The following PSKH2 variants were observed in gnomAD, a reference collection of about 807,000 sequenced individuals.
The protein encoded by PSKH2 is serine/threonine-protein kinase H2.
PSKH2 carries 16 observed loss-of-function variants against 22.5 expected under a neutral mutation model. The ratio of observed to expected loss-of-function variants is 0.71; its 90% confidence interval spans 0.48 to 1.08. The LOEUF is 1.08. Ranked by LOEUF, PSKH2 falls within the 50% of genes least tolerant of loss-of-function variation. PSKH2 has a pLI of 0.00. For missense variants in PSKH2, 516 were observed against 492.8 expected (o/e 1.05, Z -0.44); for synonymous variants, 188 against 184.8 (o/e 1.02, Z -0.14).
rs1030187518 is a variant in PSKH2, at chr8:86,047,629, T to C, written c.*833A>G. On this transcript the variant is annotated 3_prime_UTR_variant, in exon 3 of 3. Coordinates refer to ENST00000276616, the MANE Select transcript of PSKH2 (RefSeq NM_033126.3). ...TTACCATATAAGAGATCAGGCCATA[T>C]GTGACTTGCCTAGAGAACTAAGTTT... Among the ~76,000 whole-genome samples, 7 of 152,162 alleles carry C rather than the reference T, an allele frequency of 4.6e-5. No homozygotes were observed. Among genetic ancestry groups the C allele is most frequent in the African/African-American group, 1.2e-4 (5 of 41,454 alleles).
At position 86,064,550 on chromosome 8, in the gene PSKH2, A is replaced by C; in HGVS notation, c.267T>G (p.Phe89Leu). The C allele has an allele frequency of 6.2e-7, 1 of 1,613,766 alleles. No homozygotes were observed. Among genetic ancestry groups the C allele is most frequent in the Admixed American group, 1.7e-5 (1 of 59,956 alleles). The part of the protein sequence containing the change: ...RVEQKTTKKP[F>L]AIKVMETRER... ...CTCTGGTTTCCATCACTTTTATTGC[A>C]AAAGGTTTCTTGGTGGTCTTCTGCT... The change falls in exon 2 of 3, where the codon TTT becomes TTG. Residue 89 changes from phenylalanine (F) to leucine (L), a missense_variant. Phe to Leu is a conservative substitution (Grantham distance 22). Coordinates refer to ENST00000276616, the MANE Select transcript of PSKH2 (RefSeq NM_033126.3).
At chr8:86,054,795 G>A (rs1366924809) in intron 2 of PSKH2, among the ~76,000 whole-genome samples, 1 of 152,146 alleles carries the variant, frequency 6.6e-6, no homozygotes, top group Non-Finnish European at 1.5e-5. Context: ...ATTTTTGTGT[G>A]TGAAGGGGTT....
chr8:86,068,900 T>G, intron 1 of PSKH2, among the ~76,000 whole-genome samples: 1 of 152,238 alleles, frequency 6.6e-6, no homozygotes, highest in East Asian at 1.9e-4. Flanking sequence ...CTCTCTTTTT[T>G]CCCATCCTCT....
chr8:86,057,480 G>A (rs551613235), intron 2 of PSKH2, among the ~76,000 whole-genome samples: 114 of 152,018 alleles, frequency 7.5e-4, no homozygotes, highest in Admixed American at 2.8e-3. Context: ...TCCACCTCCC[G>A]GGTTCAAGCG....
chr8:86,053,692 A>G (rs1205301634), intron 2 of PSKH2, among the ~76,000 whole-genome samples: 1 of 152,206 alleles, frequency 6.6e-6, no homozygotes, highest in African/African-American at 2.4e-5. Context: ...CAACTAGTCA[A>G]CGCTTTAATA....
intron 1 of PSKH2, among the ~76,000 whole-genome samples, chr8:86,065,827 G>A (rs1452088058): frequency 1.3e-5 from 2 of 151,958 alleles, no homozygotes; most frequent in African/African-American, 4.8e-5. Flanking sequence ...TTAAAAATTA[G>A]CCAATCATGA....
chr8:86,057,265 ATACT>A (rs1327376806), intron 2 of PSKH2, among the ~76,000 whole-genome samples: 2 of 131,214 alleles, frequency 1.5e-5, no homozygotes, highest in Non-Finnish European at 3.2e-5. Context: ...GTTTTTCAAA[ATACT>A]TAATATGCAT....
At chr8:86,059,979 T>G (rs1257430999) in intron 2 of PSKH2, among the ~76,000 whole-genome samples, 1 of 152,216 alleles carries the variant, frequency 6.6e-6, no homozygotes, top group Admixed American at 6.5e-5. Context: ...ACAGGATTTC[T>G]CTGAGACCCA....
chr8:86,069,004 C>G (rs1329833851), intron 1 of PSKH2, among the ~76,000 whole-genome samples: 1 of 152,006 alleles, frequency 6.6e-6, no homozygotes, highest in South Asian at 2.1e-4. Context: ...CAATAGGAGT[C>G]GAGGCTTCTG....
intron 2 of PSKH2, among the ~76,000 whole-genome samples, chr8:86,053,476 C>A (rs1041514543): frequency 1.3e-5 from 2 of 152,164 alleles, no homozygotes; most frequent in African/African-American, 4.8e-5. Flanking sequence ...CCTATCTCCC[C>A]TCCTCACCAT....
intron 2 of PSKH2, among the ~76,000 whole-genome samples, chr8:86,062,242 C>CA (rs1817787089): frequency 6.6e-6 from 1 of 152,226 alleles, no homozygotes; most frequent in Non-Finnish European, 1.5e-5. Context: ...CATACTCTAT[C>CA]ATATGGATGC....
intron 2 of PSKH2, among the ~76,000 whole-genome samples, chr8:86,061,566 C>A (rs1311550840): frequency 1.3e-5 from 2 of 152,148 alleles, no homozygotes; most frequent in Non-Finnish European, 2.9e-5. Context: ...CCATACCTCC[C>A]TTTTGGAATA....
At chr8:86,064,990 T>C (rs1372481440) in intron 1 of PSKH2, among the ~76,000 whole-genome samples, 3 of 152,212 alleles carry the variant, frequency 2.0e-5, no homozygotes, top group Non-Finnish European at 4.4e-5. Flanking sequence ...AAAAAGAAGT[T>C]AAATGAGTTA....
rs1208518864 is a variant in PSKH2 at position 86,056,926 on chromosome 8, T to TTTGTTG, written c.852+7033_852+7038dup. On this transcript the variant is annotated intron_variant, in intron 2 of 2. Transcript: ENST00000276616. ...GGAGTTTTTTTTTTTTTTTGGTTTGTTTGTTGTTGTTGTTGTTGTTGCTTA... is the reference window on the plus strand; with the variant it reads ...GGAGTTTTTTTTTTTTTTTGGTTTGTTTGTTGTTGTTGTTGTTGTTGTTGTTGCTTA... Among the ~76,000 whole-genome samples, 361 of 146,636 alleles carry TTTGTTG rather than the reference T, an allele frequency of 2.5e-3. 1 individual carries two copies. The highest frequency in any genetic ancestry group is 8.8e-3 in the African/African-American group (346 of 39,272).
chr8:86,062,990 G>A (rs987737861), intron 2 of PSKH2, among the ~76,000 whole-genome samples: 45 of 152,272 alleles, frequency 3.0e-4, no homozygotes, highest in African/African-American at 9.9e-4. Flanking sequence ...TCATTAGTGA[G>A]GCTGGACATT....
intron 2 of PSKH2, among the ~76,000 whole-genome samples, chr8:86,049,665 GAGTGAGAAAGAAGAAAGAAAGAAAGA>G (rs1817584117): frequency 1.4e-5 from 2 of 140,356 alleles, no homozygotes; most frequent in African/African-American, 5.5e-5. Context: ...GAGAGAGAAA[GAGTGAGAAAGAAGAAAGAAAGAAAGA>G]AAGAAAGAAA....
chr8:86,050,794 A>G (rs1248500772), intron 2 of PSKH2, among the ~76,000 whole-genome samples: 5 of 152,224 alleles, frequency 3.3e-5, no homozygotes. Context: ...AGATAAGGGA[A>G]TCCTTCCATG....
At chr8:86,061,059 C>T (rs896232340) in intron 2 of PSKH2, among the ~76,000 whole-genome samples, 4 of 152,206 alleles carry the variant, frequency 2.6e-5, no homozygotes, top group Non-Finnish European at 4.4e-5. Flanking sequence ...ACCACCATTA[C>T]CAACCTCAGT....
chr8:86,061,690 A>C (rs2130162901), intron 2 of PSKH2, among the ~76,000 whole-genome samples: 1 of 152,310 alleles, frequency 6.6e-6, no homozygotes, highest in East Asian at 1.9e-4. Context: ...TGAGAGAGAA[A>C]GGCCTAGGAG....
Sources: gnomAD v4.1 joint callset for allele counts (sites outside exome capture counted in the v4.1 genomes callset) on GRCh38, gnomAD v4.1.1 for gene constraint, MANE v1.5 for transcripts, NCBI Gene and HGNC (gene_info 2026-07-23, HGNC 2026-07-21) for gene names.